The following CA12 variants were observed in gnomAD, a reference collection of about 807,000 sequenced individuals.
The protein encoded by CA12 is carbonic anhydrase 12.
A neutral mutation model predicts 46.8 loss-of-function variants in CA12; 36 were observed. The ratio of observed to expected loss-of-function variants is 0.77; its 90% CI spans 0.59 to 1.02. CA12 has a LOEUF of 1.02. CA12 is among the 50% of genes least tolerant of loss of function. CA12 has a pLI of 0.00. For synonymous variants in CA12, 202 were observed against 187.0 expected, an observed-to-expected ratio of 1.08 and a Z score of -0.65; for missense variants, 436 against 451.4, an observed-to-expected ratio of 0.97 and a Z score of 0.31.
rs2152610042 is a variant in CA12, at chr15:63,329,195, C to G, written c.875-1065G>C. Among the ~76,000 whole-genome samples the G allele has an allele frequency of 6.6e-6, 1 of 152,354 alleles. No individual in the cohort carries two copies. The highest frequency in any genetic ancestry group is 1.9e-4 in the East Asian group (1 of 5,188). The stretch of plus-strand genomic sequence containing the variant: ...TTGGTTCTATTTTTGCTTTGTCCCT[C>G]CTGGACAAACGCCTTCACCACATCA... On this transcript the variant is annotated intron_variant, in intron 8 of 10. Transcript: ENST00000178638. The surrounding 1 kb of genome is among the most constrained non-coding windows in gnomAD (Gnocchi z 4.8).
Position 63,342,114 on chromosome 15 carries a change from G to A in CA12, c.430-17C>T. 5 of 1,555,248 alleles carry A rather than the reference G, an allele frequency of 3.2e-6. No individual in the cohort carries two copies. Among genetic ancestry groups the A allele is most frequent in the Non-Finnish European group, 4.4e-6 (5 of 1,127,578 alleles). On this transcript the variant is annotated splice_polypyrimidine_tract_variant and intron_variant, in intron 4 of 10. Transcript: ENST00000178638. Reference sequence around the variant, plus strand: ...AATGTGCAGCTGCAGTGGGGGAGAAGCCACCCATTAGGAGATAAGCGACTC... The same window carrying A: ...AATGTGCAGCTGCAGTGGGGGAGAAACCACCCATTAGGAGATAAGCGACTC...
In CA12 at chr15:63,355,123, G is replaced by C. The variant is rs895867798; in HGVS notation, c.107-8414C>G. 4.6e-5 allele frequency among the ~76,000 whole-genome samples: 7 copies of C among 152,188 alleles called. No individual in the cohort carries two copies. Among genetic ancestry groups the C allele is most frequent in the African/African-American group, 1.7e-4 (7 of 41,440 alleles). On this transcript the variant is annotated intron_variant, in intron 2 of 10. Transcript: ENST00000178638. This position sits in a 1 kb window ranked among gnomAD's most constrained non-coding sequence, Gnocchi z 4.1. ...CCTTAGAGTATGTTCATCGTGGAGA[G>C]GCTCTGCCCACCTCTCTCTGGACTT...
chr15:63,366,138 C>CAAAAA (rs10680238), intron 2 of CA12, among the ~76,000 whole-genome samples: 3 of 116,880 alleles, frequency 2.6e-5, no homozygotes, highest in African/African-American at 7.9e-5. Flanking sequence ...GAGACTATCT[C>CAAAAA]AAAAAAAAAA....
rs1209132048 is a variant in CA12, at chr15:63,339,467, G to A, written c.748-522C>T. Reference sequence around the variant, plus strand: ...ACCCTTTCCCAAGGCAGTTTCTGAGGTAGGATGTTGCTGCTTCCCCACATG... The same window carrying A: ...ACCCTTTCCCAAGGCAGTTTCTGAGATAGGATGTTGCTGCTTCCCCACATG... On this transcript the variant is annotated intron_variant, in intron 7 of 10. Transcript: ENST00000178638. This position sits in a 1 kb window ranked among gnomAD's most constrained non-coding sequence, Gnocchi z 4.3. Among the ~76,000 whole-genome samples the A allele has an allele frequency of 2.6e-5, 4 of 152,216 alleles. No individual in the cohort carries two copies. The highest frequency in any genetic ancestry group is 9.6e-5 in the African/African-American group (4 of 41,454).
chr15:63,333,743 AGCAGATCCTAATT>A (rs1298696716), intron 8 of CA12, among the ~76,000 whole-genome samples: 1 of 152,210 alleles, frequency 6.6e-6, no homozygotes, highest in East Asian at 1.9e-4. Flanking sequence ...TCTAGGCTTA[AGCAGATCCTAATT>A]GCAGGACTAT....
chr15:63,326,475 C>A (rs2038868629), intron 10 of CA12, 118 bp from the exon 11 acceptor site: 2 of 778,528 alleles, frequency 2.6e-6, no homozygotes, highest in Admixed American at 3.8e-5. Flanking sequence ...TCTTTGGGAC[C>A]TTTCCCCAAT....
chr15:63,380,453 G>A (rs377560893), intron 1 of CA12, among the ~76,000 whole-genome samples: 88 of 152,338 alleles, frequency 5.8e-4, no homozygotes, highest in African/African-American at 1.9e-3. Flanking sequence ...AGCAACTTAG[G>A]ACTAAAGAGA....
In CA12 at chr15:63,342,381, G is replaced by A. The variant is rs191344931; in HGVS notation, c.430-284C>T. ...CTGGAAGGGCAGGAAAACTCAAATT[G>A]GAGGCTTCCAGGACATAGGTAGATT... On this transcript the variant is annotated intron_variant, in intron 4 of 10. Transcript: ENST00000178638. Among the ~76,000 whole-genome samples, 93 of 152,296 alleles carry A rather than the reference G, an allele frequency of 6.1e-4. 1 individual carries two copies. The highest frequency in any genetic ancestry group is 6.0e-4 in the Non-Finnish European group (41 of 68,036).
At chr15:63,367,064 G>GA (rs397822640) in intron 2 of CA12, among the ~76,000 whole-genome samples, 1 of 66 alleles carries the variant, frequency 0.015, no homozygotes, top group Non-Finnish European at 0.029. Context: ...TGAGACTACC[G>GA]CACATGCCAC....
chr15:63,364,142 G>A (rs1253575296), intron 2 of CA12, among the ~76,000 whole-genome samples: 1 of 151,442 alleles, frequency 6.6e-6, no homozygotes, highest in African/African-American at 2.4e-5. Context: ...AGCAGAGATC[G>A]TGCCAGCCTG....
rs1385997803 is a variant in CA12, at chr15:63,338,899, G to T, written c.794C>A (p.Pro265His). The T allele has an allele frequency of 6.2e-7, 1 of 1,614,080 alleles. No individual in the cohort carries two copies. Among genetic ancestry groups the T allele is most frequent in the South Asian group, 1.1e-5 (1 of 91,084 alleles). ...TALYCTHMDD[P>H]SPREMINNFR... is the part of the protein sequence containing the mutation. ...GTTGTTGATCATTTCTCTGGGGGAA[G>T]GGTCGTCCATGTGTGTGCAGTACAG... Residue 265 changes from proline (P) to histidine (H), a missense_variant, in exon 8 of 11, where the codon CCT (proline) becomes CAT (histidine). Transcript: ENST00000178638.
chr15:63,342,615 A>G (rs2039095118), intron 4 of CA12, among the ~76,000 whole-genome samples: 1 of 152,202 alleles, frequency 6.6e-6, no homozygotes, highest in African/African-American at 2.4e-5. Flanking sequence ...CTAAATTCCA[A>G]AAGGGAGGAG....
In CA12 at chr15:63,339,569, A is replaced by G. The variant is rs752037244; in HGVS notation, c.748-624T>C. ...TGCCATTTACCAGGTGACTCAGAGC[A>G]GAAGCTTACTGTAAAGAGGAGCAGC... On this transcript the variant is annotated intron_variant, in intron 7 of 10. Transcript: ENST00000178638. This position sits in a 1 kb window ranked among gnomAD's most constrained non-coding sequence, Gnocchi z 4.3. 3.3e-5 allele frequency among the ~76,000 whole-genome samples: 5 copies of G among 152,248 alleles called. No individual in the cohort carries two copies. Among genetic ancestry groups the G allele is most frequent in the Admixed American group, 1.3e-4 (2 of 15,280 alleles).
chr15:63,369,845 T>C (rs2039480947), intron 2 of CA12, among the ~76,000 whole-genome samples: 1 of 152,168 alleles, frequency 6.6e-6, no homozygotes, highest in South Asian at 2.1e-4. Context: ...CCACTATGCC[T>C]GTCTTTAGGA....
rs761216196 is a variant in CA12 at position 63,381,714 on chromosome 15, G to A, written c.7C>T (p.Arg3Trp). Residue 3 changes from arginine to tryptophan, a missense_variant, in exon 1 of 11, where the codon CGG becomes TGG. Transcript: ENST00000178638. MPRRSLHAAAVLL... is the reference protein window; with the variant it reads MPWRSLHAAAVLL... ...ACGGCCGCCGCGTGCAGGCTGCGCCGGGGCATCTTCGCGGGCTCCTGCGGG... is the reference window on the plus strand; with the variant it reads ...ACGGCCGCCGCGTGCAGGCTGCGCCAGGGCATCTTCGCGGGCTCCTGCGGG... 1 of 1,601,686 alleles carries A rather than the reference G, an allele frequency of 6.2e-7. No homozygotes were observed. The highest frequency in any genetic ancestry group is 8.5e-7 in the Non-Finnish European group (1 of 1,174,248).
intron 2 of CA12, among the ~76,000 whole-genome samples, chr15:63,352,142 G>A (rs1428312650): frequency 4.6e-5 from 7 of 152,258 alleles, no homozygotes; most frequent in Non-Finnish European, 4.4e-5. Flanking sequence ...TGCAACCTCC[G>A]CCTCCCAGGT....
At position 63,324,739 on chromosome 15, in the gene CA12, A is replaced by G. The variant is rs2038843926; in HGVS notation, c.*1546T>C. The G allele has an allele frequency of 7.0e-6, 1 of 143,650 alleles. No homozygotes were observed. The highest frequency in any genetic ancestry group is 7.4e-5 in the Admixed American group (1 of 13,582). 8.9% of individuals were successfully genotyped at this position (143,650 alleles called of 1,614,324 possible). On this transcript the variant is annotated 3_prime_UTR_variant, in exon 11 of 11. Coordinates refer to ENST00000178638, the MANE Select transcript of CA12 (RefSeq NM_001218.5). ...AGTCTCGCTCTGTCACCCAGGCTAG[A>G]GTGCAGTGGCATGACCTTGGCTTAC...
intron 2 of CA12, among the ~76,000 whole-genome samples, chr15:63,356,145 C>A (rs1319250108): frequency 6.6e-6 from 1 of 152,162 alleles, no homozygotes; most frequent in African/African-American, 2.4e-5. Context: ...GTAATCCCAG[C>A]ACTTTGGGAG....
At chr15:63,350,330 G>A (rs374689101) in intron 2 of CA12, among the ~76,000 whole-genome samples, 1 of 152,180 alleles carries the variant, frequency 6.6e-6, no homozygotes, top group Non-Finnish European at 1.5e-5. Flanking sequence ...GCTACACCCT[G>A]GGCTACCATT....
Sources: allele counts gnomAD v4.1 joint callset (sites outside exome capture counted in the v4.1 genomes callset), GRCh38; gene constraint gnomAD v4.1.1; non-coding constraint Gnocchi (gnomAD v3.1); transcripts MANE v1.5; gene names NCBI Gene and HGNC (gene_info 2026-07-23, HGNC 2026-07-21).